CDK12: variants seen among roughly 807,000 people sequenced by gnomAD.
CDK12 encodes cyclin-dependent kinase 12.
CDK12 carries 17 observed loss-of-function variants against 133.8 expected under a neutral mutation model. The observed-to-expected ratio is 0.13, with a 90% CI of 0.09 to 0.19. The LOEUF is 0.19. Among genes scored for constraint, CDK12 ranks in the 10% least tolerant of loss-of-function variants. CDK12 has a pLI of 1.00. For synonymous variants in CDK12, 694 were observed against 683.6 expected (o/e 1.02, Z -0.24); for missense variants, 1,508 against 1,818.7 (o/e 0.83, Z 3.11).
chr17:39,487,607 ATTTTTTT>A (rs887590343), intron 2 of CDK12, among the ~76,000 whole-genome samples: 1,095 of 96,366 alleles, frequency 0.011, 15 homozygotes, highest in African/African-American at 0.044. Flanking sequence ...GCATGACACA[ATTTTTTT>A]TTTTTTTTTT....
intron 2 of CDK12, among the ~76,000 whole-genome samples, chr17:39,477,942 G>T (rs777013065): frequency 6.6e-6 from 1 of 151,542 alleles, no homozygotes. Flanking sequence ...TCCTGACTTC[G>T]GGGTCTGCCT....
At chr17:39,536,006 A>G (rs1179456725), downstream of CDK12, among the ~76,000 whole-genome samples, 1 of 151,978 alleles carries the variant, frequency 6.6e-6, no homozygotes, top group Non-Finnish European at 1.5e-5. Context: ...GGTTAATTTT[A>G]CTGTCCAGGT....
Position 39,533,967 on chromosome 17 carries a change from C to A in CDK12, c.*2651C>A. On this transcript the variant is annotated 3_prime_UTR_variant, in exon 14 of 14. Coordinates refer to ENST00000447079, the MANE Select transcript of CDK12 (RefSeq NM_016507.4). ...ATTAATTCCATTCAAAAGTGGTTTT[C>A]GTTTTGTTTTAATTATTGTACAATG... 4.3e-6 allele frequency: 1 copy of A among 231,816 alleles called. No individual in the cohort carries two copies. 14.4% of individuals were successfully genotyped at this position (231,816 alleles called of 1,614,324 possible). A position where few individuals can be genotyped will look rare whatever the true frequency, so the allele number is the denominator to read the frequency against.
Position 39,524,589 on chromosome 17 carries a change from G to T in CDK12, c.3096-85G>T, listed in dbSNP as rs185405943. 5.1e-6 allele frequency: 6 copies of T among 1,180,678 alleles called. No individual in the cohort carries two copies. The African/African-American group carries it at 9.1e-5, about 18-fold the overall frequency. 73.1% of individuals were successfully genotyped at this position (1,180,678 alleles called of 1,614,324 possible). On this transcript the variant is annotated intron_variant, in intron 11 of 13. Coordinates refer to ENST00000447079, the MANE Select transcript of CDK12 (RefSeq NM_016507.4). ...ATTCTTTACATTTCCCACAGTCTTT[G>T]CCTTCCCATTTTAATCCTTTGCTCC...
intron 2 of CDK12, among the ~76,000 whole-genome samples, chr17:39,482,355 A>G (rs766758518): frequency 1.3e-5 from 2 of 151,872 alleles, no homozygotes; most frequent in Non-Finnish European, 2.9e-5. Flanking sequence ...GAGCGTACTG[A>G]ACTTCAGGGG....
At chr17:39,545,222 C>T (rs1427658065), upstream of CDK12, among the ~76,000 whole-genome samples, 1 of 151,874 alleles carries the variant, frequency 6.6e-6, no homozygotes, top group Non-Finnish European at 1.5e-5. Flanking sequence ...CACAGCCTTG[C>T]AGGGTCTCAC....
chr17:39,519,092 G>A (rs2053998740), intron 10 of CDK12, among the ~76,000 whole-genome samples: 2 of 151,294 alleles, frequency 1.3e-5, no homozygotes, highest in African/African-American at 2.4e-5. Flanking sequence ...TAGTAGAAAC[G>A]GGGTTTCACC....
At chr17:39,500,469 C>T (rs1239981481) in intron 5 of CDK12, among the ~76,000 whole-genome samples, 1 of 151,548 alleles carries the variant, frequency 6.6e-6, no homozygotes, top group East Asian at 2.0e-4. Context: ...CTCGTCTCTA[C>T]TCAAAATACA....
intron 2 of CDK12, among the ~76,000 whole-genome samples, chr17:39,483,496 A>C (rs994290739): frequency 2.0e-5 from 3 of 151,798 alleles, no homozygotes; most frequent in Non-Finnish European, 4.4e-5. Flanking sequence ...ACTCCTAGAC[A>C]CAAGGAATAC....
chr17:39,535,915 C>T (rs945623670), downstream of CDK12, among the ~76,000 whole-genome samples: 10 of 152,188 alleles, frequency 6.6e-5, no homozygotes, highest in Admixed American at 5.9e-4. Context: ...GGAGGAAGCA[C>T]TCAACCATTC....
rs905997826 is a variant in CDK12, at chr17:39,485,502, C to T, written c.1932-5055C>T. On this transcript the variant is annotated intron_variant, in intron 2 of 13. Transcript: ENST00000447079. Reference sequence around the variant, plus strand: ...AATCTCAGCTCACTAATCTCCACCTCCCGGGTTCAGGTGATTCCCCTGCCT... The same window carrying T: ...AATCTCAGCTCACTAATCTCCACCTTCCGGGTTCAGGTGATTCCCCTGCCT... Among the ~76,000 whole-genome samples, 12 of 150,928 alleles carry T rather than the reference C, an allele frequency of 8.0e-5. No homozygotes were observed. In the East Asian group the frequency reaches 2.4e-3, roughly 30 times the overall value.
At chr17:39,530,431 A>C (rs541049461) in intron 13 of CDK12, 173 bp from the exon 14 acceptor site, 14 of 866,046 alleles carry the variant, frequency 1.6e-5, no homozygotes, top group Non-Finnish European at 2.3e-5. Context: ...CAACTGTTTT[A>C]CTTTTAATCA....
intron 9 of CDK12, 116 bp downstream of exon 9, chr17:39,515,924 T>C: frequency 1.6e-6 from 1 of 624,092 alleles, no homozygotes. Flanking sequence ...CCAAGTAAGT[T>C]TCTCTTTACT....
chr17:39,472,157 T>A (rs1436772958), intron 2 of CDK12, among the ~76,000 whole-genome samples: 3 of 151,726 alleles, frequency 2.0e-5, no homozygotes, highest in Non-Finnish European at 2.9e-5. Flanking sequence ...CTAATTTTTG[T>A]GTTTTTAGTA....
chr17:39,519,460 C>T (rs1375697436), intron 10 of CDK12, among the ~76,000 whole-genome samples: 1 of 150,840 alleles, frequency 6.6e-6, no homozygotes. Context: ...CATCACCATG[C>T]CTGGCTAATG....
downstream of CDK12, among the ~76,000 whole-genome samples, chr17:39,565,341 C>G (rs2056532826): frequency 1.3e-5 from 2 of 152,048 alleles, no homozygotes; most frequent in South Asian, 4.2e-4. Flanking sequence ...GTCTCGATCT[C>G]CTGACCTTGT....
rs1366524943 is a variant in CDK12 at position 39,511,509 on chromosome 17, G to A, written c.2667-20G>A. The A allele has an allele frequency of 2.7e-6, 4 of 1,488,190 alleles. No individual in the cohort carries two copies. The Admixed American group carries it at 6.9e-5, about 26-fold the overall frequency. 92.2% of individuals were successfully genotyped at this position (1,488,190 alleles called of 1,614,324 possible). A position where few individuals can be genotyped will look rare whatever the true frequency, so the allele number is the denominator to read the frequency against. On this transcript the variant is annotated intron_variant, in intron 7 of 13. Transcript: ENST00000447079. ...AGAAGCCACTGTAAGTTTATGTCAT[G>A]GTTGTTTTTTATATTTCAGTCGCCC...
chr17:39,524,146 T>C (rs1357971539), intron 11 of CDK12, among the ~76,000 whole-genome samples: 1 of 152,194 alleles, frequency 6.6e-6, no homozygotes, highest in Non-Finnish European at 1.5e-5. Context: ...TGATATCCAG[T>C]CATAGAAATT....
rs2054830632 is a variant in CDK12 at position 39,531,270 on chromosome 17, C to T, written c.4427C>T (p.Thr1476Ile). The T allele has an allele frequency of 1.3e-6, 2 of 1,504,892 alleles. No homozygotes were observed. Among genetic ancestry groups the T allele is most frequent in the South Asian group, 2.8e-5 (2 of 71,262 alleles). The allele number at this position is 1,504,892 out of a possible 1,614,324, so 93.2% of individuals were successfully genotyped here. A position where few individuals can be genotyped will look rare whatever the true frequency, so the allele number is the denominator to read the frequency against. The stretch of plus-strand genomic sequence containing the variant: ...TATGGAAAACTCTATCGGGGGCCTA[C>T]AAGAGTCCCACCAAGAGGGGGAAGA... ...SAYGKLYRGP[T>I]RVPPRGGRGR... Residue 1476 changes from threonine (T) to isoleucine (I), a missense_variant, in exon 14 of 14, where the codon ACA (threonine) becomes ATA (isoleucine). By Grantham distance (89) the Thr-to-Ile change is moderately conservative (BLOSUM62 -1). Coordinates refer to ENST00000447079, the MANE Select transcript of CDK12 (RefSeq NM_016507.4).
Sources: gnomAD v4.1 joint callset for allele counts (sites outside exome capture counted in the v4.1 genomes callset) on GRCh38, gnomAD v4.1.1 for gene constraint, MANE v1.5 for transcripts, NCBI Gene and HGNC (gene_info 2026-07-23, HGNC 2026-07-21) for gene names.